RASSF3: variants seen among roughly 807,000 people sequenced by gnomAD.
The protein encoded by RASSF3 is Ras association domain family member 3, also known as ras association domain-containing protein 3.
A neutral mutation model predicts 19.9 loss-of-function variants in RASSF3; 19 were observed. The observed-to-expected ratio is 0.96, with a 90% CI of 0.67 to 1.40. RASSF3 has a LOEUF of 1.40. Among genes scored for constraint, RASSF3 ranks in the 40% most tolerant of loss-of-function variants. RASSF3 has a pLI of 0.00. For missense variants in RASSF3, 306 were observed against 289.8 expected, an observed-to-expected ratio of 1.06 and a Z score of -0.41; for synonymous variants, 110 against 104.2, an observed-to-expected ratio of 1.06 and a Z score of -0.34.
intron 2 of RASSF3, among the ~76,000 whole-genome samples, chr12:64,550,841 A>G (rs1346449619): frequency 2.7e-5 from 4 of 147,642 alleles, no homozygotes; most frequent in Non-Finnish European, 6.0e-5. Flanking sequence ...AAAGAAAGAA[A>G]GAAAGGAAAA....
chr12:64,521,389 T>G (rs965770433), intron 1 of RASSF3, among the ~76,000 whole-genome samples: 7 of 152,186 alleles, frequency 4.6e-5, no homozygotes, highest in Non-Finnish European at 7.3e-5. Flanking sequence ...TTCTGTTCTT[T>G]CATCCCCTCC....
chr12:64,530,618 T>C (rs954114669), upstream of RASSF3, among the ~76,000 whole-genome samples: 2 of 152,220 alleles, frequency 1.3e-5, no homozygotes, highest in African/African-American at 4.8e-5. Flanking sequence ...ATATGGTAGA[T>C]GTATATTTAA....
intron 1 of RASSF3, among the ~76,000 whole-genome samples, chr12:64,541,123 C>T (rs1868926407): frequency 6.6e-6 from 1 of 150,992 alleles, no homozygotes; most frequent in Admixed American, 6.6e-5. Context: ...GTAGCTGGGA[C>T]TATAGGCACC....
At chr12:64,574,378 T>C (rs1869565274) in intron 2 of RASSF3, among the ~76,000 whole-genome samples, 1 of 151,924 alleles carries the variant, frequency 6.6e-6, no homozygotes, top group Non-Finnish European at 1.5e-5. Flanking sequence ...CTTAGCAAAC[T>C]AGAAATGGGA....
intron 2 of RASSF3, among the ~76,000 whole-genome samples, chr12:64,593,313 T>C (rs2620725): frequency 0.52 from 78,371 of 151,982 alleles, 20,499 homozygotes; most frequent in Admixed American, 0.56. Flanking sequence ...CCTCCGCTTC[T>C]GGGGTTCAAG....
intron 2 of RASSF3, among the ~76,000 whole-genome samples, chr12:64,598,417 A>G (rs867848972): frequency 9.2e-5 from 14 of 152,218 alleles, no homozygotes; most frequent in Non-Finnish European, 1.9e-4. Context: ...CCCAGTTTCC[A>G]TGGTGCTATG....
At position 64,578,577 on chromosome 12, in the gene RASSF3, T is replaced by C. The variant is rs568999896; in HGVS notation, c.294+36872T>C. 1.4e-4 allele frequency among the ~76,000 whole-genome samples: 21 copies of C among 152,290 alleles called. No individual in the cohort carries two copies. In the South Asian group the frequency reaches 3.3e-3, roughly 24 times the overall value. On this transcript the variant is annotated intron_variant, in intron 2 of 5. Coordinates refer to the RASSF3 transcript ENST00000637125. Reference sequence around the variant, plus strand: ...TGGACACTGAGGTGGGAGGATTGCTTGAGGCCAAGAGTTTGAGACCAGCCC... The same window carrying C: ...TGGACACTGAGGTGGGAGGATTGCTCGAGGCCAAGAGTTTGAGACCAGCCC...
chr12:64,582,029 C>T (rs114576995), intron 2 of RASSF3, among the ~76,000 whole-genome samples: 2,602 of 151,978 alleles, frequency 0.017, 78 homozygotes, highest in African/African-American at 0.06. Context: ...CCACCACACT[C>T]GGCCAATTTT....
chr12:64,680,189 A>G (rs1312278105), intron 1 of RASSF3, among the ~76,000 whole-genome samples: 2 of 152,048 alleles, frequency 1.3e-5, no homozygotes, highest in Non-Finnish European at 2.9e-5. Flanking sequence ...CTACTCTGTG[A>G]GGGGACGGGA....
At chr12:64,555,412 C>T (rs1202946213) in intron 2 of RASSF3, among the ~76,000 whole-genome samples, 1 of 152,012 alleles carries the variant, frequency 6.6e-6, no homozygotes, top group Non-Finnish European at 1.5e-5. Context: ...AAATGTATAC[C>T]TCTTAAGAAA....
intron 2 of RASSF3, among the ~76,000 whole-genome samples, chr12:64,581,238 GA>G: frequency 6.6e-6 from 1 of 152,260 alleles, no homozygotes; most frequent in East Asian, 1.9e-4. Flanking sequence ...ACTGACAGGT[GA>G]CTATCTCTGT....
chr12:64,612,479 C>CTTTT (rs369436937), intron 1 of RASSF3, among the ~76,000 whole-genome samples: 11 of 119,390 alleles, frequency 9.2e-5, no homozygotes, highest in South Asian at 5.4e-4. Flanking sequence ...TTTAGCGTTT[C>CTTTT]TTTTTTTTTT....
At chr12:64,589,382 G>A (rs921792998) in intron 2 of RASSF3, among the ~76,000 whole-genome samples, 30 of 152,102 alleles carry the variant, frequency 2.0e-4, no homozygotes, top group Admixed American at 1.1e-3. Context: ...ATTCAGAGGC[G>A]GAGGCTGCAG....
At chr12:64,611,234 G>GC (rs1870351469) in intron 1 of RASSF3, among the ~76,000 whole-genome samples, 1 of 152,198 alleles carries the variant, frequency 6.6e-6, no homozygotes, top group African/African-American at 2.4e-5. Context: ...TGGCCCGGGC[G>GC]ACCTGGTGGA....
chr12:64,619,399 A>G (rs1167627484), intron 1 of RASSF3, among the ~76,000 whole-genome samples: 2 of 152,018 alleles, frequency 1.3e-5, no homozygotes, highest in Admixed American at 6.5e-5. Flanking sequence ...CTCTGCCTTC[A>G]GTTTAAGGAC....
upstream of RASSF3, among the ~76,000 whole-genome samples, chr12:64,606,588 G>A (rs372820699): frequency 2.0e-5 from 3 of 152,304 alleles, no homozygotes; most frequent in African/African-American, 4.8e-5. Flanking sequence ...GCCAAGGCAG[G>A]CAGATCACCT....
intron 1 of RASSF3, among the ~76,000 whole-genome samples, chr12:64,639,262 A>G (rs1871428938): frequency 1.3e-5 from 2 of 152,198 alleles, no homozygotes; most frequent in African/African-American, 2.4e-5. Context: ...TGACTTATGT[A>G]AAGTTCCATC....
intron 2 of RASSF3, among the ~76,000 whole-genome samples, chr12:64,572,814 C>T (rs1869541006): frequency 6.6e-6 from 1 of 152,136 alleles, no homozygotes; most frequent in African/African-American, 2.4e-5. Flanking sequence ...TATATAAAGA[C>T]AGATTGAATG....
At chr12:64,626,185 A>G (rs1291576899) in intron 1 of RASSF3, among the ~76,000 whole-genome samples, 1 of 152,158 alleles carries the variant, frequency 6.6e-6, no homozygotes, top group African/African-American at 2.4e-5. Context: ...TAACAAGTTA[A>G]TTCATATAAA....
Sources: gnomAD v4.1 joint callset for allele counts (sites outside exome capture counted in the v4.1 genomes callset) on GRCh38, gnomAD v4.1.1 for gene constraint, MANE v1.5 for transcripts, NCBI Gene and HGNC (gene_info 2026-07-23, HGNC 2026-07-21) for gene names.